Variants in ARHGEF11 observed in about 807,000 individuals in gnomAD.
ARHGEF11 encodes Rho guanine exchange factor (GEF) 11.
In ARHGEF11, 55 loss-of-function variants were observed where a neutral mutation model predicts 193.7. The observed-to-expected ratio is 0.28, with a 90% CI of 0.23 to 0.36. The LOEUF (loss-of-function observed/expected upper bound fraction) is 0.36, where lower values mean the gene tolerates loss of function less well. Ranked by LOEUF, ARHGEF11 falls within the 10% of genes least tolerant of loss-of-function variation. ARHGEF11 has a pLI of 1.00. For synonymous variants in ARHGEF11, 693 were observed against 768.0 expected (o/e 0.90, Z 1.62); for missense variants, 1,723 against 2,005.6 (o/e 0.86, Z 2.69).
rs756264930 is a variant in ARHGEF11 at position 156,942,701 on chromosome 1, T to C, written c.3315A>G (p.Ser1105=). The change falls in exon 33 of 41, where the codon TCA becomes TCG. Residue 1105 remains serine (S), a synonymous_variant. Transcript: ENST00000368194. ...CAATCAATTCTCACGTGTTCTTGTCTGATGACGTCAATGCAACCAGCTCAT... is the reference window on the plus strand; with the variant it reads ...CAATCAATTCTCACGTGTTCTTGTCCGATGACGTCAATGCAACCAGCTCAT... ...QIYELVALTS[S]DKNTWMELLE... The C allele has an allele frequency of 1.2e-6, 2 of 1,613,982 alleles. No homozygotes were observed. Among genetic ancestry groups the C allele is most frequent in the Non-Finnish European group, 8.5e-7 (1 of 1,179,928 alleles).
chr1:156,943,768 C>T (rs759617115), intron 32 of ARHGEF11, among the ~76,000 whole-genome samples, 167 bp downstream of exon 32: 99 of 152,180 alleles, frequency 6.5e-4, no homozygotes, highest in Non-Finnish European at 2.9e-4. Context: ...CCTCATCCTA[C>T]CCCACTTTGG....
At chr1:156,984,878 A>G (rs994562941) in intron 2 of ARHGEF11, among the ~76,000 whole-genome samples, 2 of 152,040 alleles carry the variant, frequency 1.3e-5, no homozygotes, top group Non-Finnish European at 2.9e-5. Context: ...TGGTATACCA[A>G]TGCTTGTTGA....
chr1:156,957,908 T>C (rs1296091749), intron 17 of ARHGEF11, 93 bp from the exon 18 acceptor site: 5 of 1,261,414 alleles, frequency 4.0e-6, no homozygotes, highest in East Asian at 4.6e-5. Flanking sequence ...TTTTCCTAGA[T>C]GAAAGGAGGG....
chr1:157,036,190 T>C (rs1288534745), intron 1 of ARHGEF11, among the ~76,000 whole-genome samples: 1 of 115,002 alleles, frequency 8.7e-6, no homozygotes, highest in Non-Finnish European at 1.9e-5. Flanking sequence ...TATGAATACA[T>C]ATATGAATAT....
At chr1:156,964,593 T>A (rs1488502492) in intron 11 of ARHGEF11, among the ~76,000 whole-genome samples, 1 of 152,144 alleles carries the variant, frequency 6.6e-6, no homozygotes, top group African/African-American at 2.4e-5. Flanking sequence ...ATATTTATGG[T>A]CTCTATGCCC....
chr1:157,046,446 TC>T (rs1270226350), upstream of ARHGEF11, among the ~76,000 whole-genome samples: 239 of 8,336 alleles, frequency 0.029, no homozygotes, highest in Non-Finnish European at 0.061. Context: ...CGGCTCACCC[TC>T]TCTCCACCTC....
chr1:157,030,267 G>A (rs1188988668), intron 1 of ARHGEF11, among the ~76,000 whole-genome samples: 1 of 152,164 alleles, frequency 6.6e-6, no homozygotes, highest in Non-Finnish European at 1.5e-5. Context: ...GGGCCCCTGA[G>A]TAGCTTAAAA....
intron 1 of ARHGEF11, among the ~76,000 whole-genome samples, chr1:157,009,869 T>A (rs1668340700): frequency 6.6e-6 from 1 of 152,226 alleles, no homozygotes; most frequent in African/African-American, 2.4e-5. Flanking sequence ...CGATTCAATA[T>A]GCATCAGCTG....
In ARHGEF11 at chr1:156,968,063, G is replaced by C. The variant is rs368729405; in HGVS notation, c.887C>G (p.Pro296Arg). 8.7e-6 allele frequency: 14 copies of C among 1,614,108 alleles called. No homozygotes were observed. The highest frequency in any genetic ancestry group is 1.2e-5 in the Non-Finnish European group (14 of 1,180,020). Residue 296 changes from proline to arginine, a missense_variant, in exon 11 of 41, where the codon CCT becomes CGT. Coordinates refer to ENST00000368194, the MANE Select transcript of ARHGEF11 (RefSeq NM_198236.3). ...DPGLDSPRTSPVIMARVAQHH... is the reference protein window; with the variant it reads ...DPGLDSPRTSRVIMARVAQHH... ...CTGGGCCACCCTGGCCATGATCACAGGGGAGGTTCGAGGACTGTCTAGCCC... is the reference window on the plus strand; with the variant it reads ...CTGGGCCACCCTGGCCATGATCACACGGGAGGTTCGAGGACTGTCTAGCCC...
rs761370827 is a variant in ARHGEF11, at chr1:156,945,147, C to T, written c.2863G>A (p.Glu955Lys). 8 of 1,614,078 alleles carry T rather than the reference C, an allele frequency of 5.0e-6. No individual in the cohort carries two copies. The highest frequency in any genetic ancestry group is 1.6e-4 in the Middle Eastern group (1 of 6,078). The part of the protein sequence containing the change: ...KLCRARDQCR[E>K]ILKYVNEAVK... ...GCTTCATTCACATACTTGAGAATCT[C>T]CCGGCACTGGTCCCGGGCCCGGCAC... The change falls in exon 30 of 41, where the codon GAG (glutamate) becomes AAG (lysine). Residue 955 changes from glutamate to lysine, a missense_variant. Around this residue, in one of 5 missense-constraint regions of ARHGEF11, gnomAD observed 491 missense variants for 654.5 expected, o/e 0.75. Coordinates refer to ENST00000368194, the MANE Select transcript of ARHGEF11 (RefSeq NM_198236.3).
intron 4 of ARHGEF11, among the ~76,000 whole-genome samples, chr1:156,980,091 G>A (rs748687394): frequency 4.5e-4 from 68 of 152,340 alleles, no homozygotes; most frequent in Non-Finnish European, 9.1e-4. Context: ...ATTATATGGA[G>A]GAAAGAATAT....
At position 156,960,423 on chromosome 1, in the gene ARHGEF11, T is replaced by C. The variant is rs1660658713; in HGVS notation, c.1277A>G (p.Glu426Gly). 6.2e-7 allele frequency: 1 copy of C among 1,613,918 alleles called. No individual in the cohort carries two copies. Among genetic ancestry groups the C allele is most frequent in the Non-Finnish European group, 8.5e-7 (1 of 1,179,984 alleles). ...RVKIPEMLQA[E>G]IDSRLRNSED... ...CGACCAATGAGCCAACTTACCAATT[T>C]CAGCCTGTAGCATCTCAGGGATCTT... The change falls in exon 15 of 41, where the codon GAA becomes GGA. Residue 426 changes from glutamate to glycine, a missense_variant. Coordinates refer to ENST00000368194, the MANE Select transcript of ARHGEF11 (RefSeq NM_198236.3).
At position 156,955,515 on chromosome 1, in the gene ARHGEF11, C is replaced by T. The variant is rs138436878; in HGVS notation, c.1768+188G>A. 3.2e-4 allele frequency among the ~76,000 whole-genome samples: 48 copies of T among 152,212 alleles called. 1 individual carries two copies. Among genetic ancestry groups the T allele is most frequent in the Non-Finnish European group, 5.9e-4 (40 of 68,012 alleles). On this transcript the variant is annotated intron_variant, in intron 20 of 40. Coordinates refer to ENST00000368194, the MANE Select transcript of ARHGEF11 (RefSeq NM_198236.3). ...AGGGACCGGCACGGCTTCCCTGGCT[C>T]GGAAACATTCACCTGAACCTCAGAG...
In ARHGEF11 at chr1:156,939,651, C is replaced by T; in HGVS notation, c.3993G>A (p.Arg1331=). ...ACTCCCATATCCCAGAATTTCTGGT[C>T]CTTGGGGGTAGGTGTTCCAGAGAAC... ...GLCSLEHLPP[R]TRNSGIWESP... The change falls in exon 37 of 41, where the codon AGG becomes AGA. Residue 1331 remains arginine (R), a synonymous_variant. Coordinates refer to ENST00000368194, the MANE Select transcript of ARHGEF11 (RefSeq NM_198236.3). 6.2e-7 allele frequency: 1 copy of T among 1,613,954 alleles called. No individual in the cohort carries two copies.
At chr1:157,044,034 T>C (rs1030211120) in intron 1 of ARHGEF11, among the ~76,000 whole-genome samples, 2 of 152,096 alleles carry the variant, frequency 1.3e-5, no homozygotes, top group African/African-American at 4.8e-5. Flanking sequence ...CTGGCAAAAG[T>C]CAAAAGCCAC....
rs757849603 is a variant in ARHGEF11 at position 156,986,063 on chromosome 1, T to A, written c.124+19A>T. On this transcript the variant is annotated intron_variant, in intron 2 of 40. Coordinates refer to ENST00000368194, the MANE Select transcript of ARHGEF11 (RefSeq NM_198236.3). Reference sequence around the variant, plus strand: ...ACCATGCCTGGCTGTTTTTGTATGTTAATGCCCAAGGAGGTTACCTGTTGT... The same window carrying A: ...ACCATGCCTGGCTGTTTTTGTATGTAAATGCCCAAGGAGGTTACCTGTTGT... 1.7e-5 allele frequency: 27 copies of A among 1,605,618 alleles called. No individual in the cohort carries two copies. The highest frequency in any genetic ancestry group is 7.7e-6 in the Non-Finnish European group (9 of 1,172,782).
intron 1 of ARHGEF11, among the ~76,000 whole-genome samples, chr1:157,027,430 T>C (rs540301456): frequency 6.6e-6 from 1 of 152,112 alleles, no homozygotes; most frequent in South Asian, 2.1e-4. Context: ...GTGGGAGTAT[T>C]GACAGATACA....
chr1:156,963,267 G>A lies in ARHGEF11; in HGVS notation c.1076C>T (p.Ser359Phe), dbSNP rs2102203093. The change falls in exon 13 of 41, where the codon TCT (serine) becomes TTT (phenylalanine). Residue 359 changes from serine to phenylalanine, a missense_variant. Ser to Phe is a radical substitution (Grantham distance 155). Transcript: ENST00000368194. ...AAAAACCCCCAGGTGAGCTGGCCGA[G>A]ACTTCAGTTTCTCCAGATCCTGGAA... ...IIFQDLEKLKSRPAHLGVFLR... is the reference protein window; with the variant it reads ...IIFQDLEKLKFRPAHLGVFLR... The A allele has an allele frequency of 6.2e-7, 1 of 1,614,198 alleles. No individual in the cohort carries two copies. The highest frequency in any genetic ancestry group is 2.2e-5 in the East Asian group (1 of 44,884).
intron 1 of ARHGEF11, among the ~76,000 whole-genome samples, chr1:157,034,155 A>G (rs1326305009): frequency 1.3e-5 from 2 of 152,188 alleles, no homozygotes; most frequent in Admixed American, 6.5e-5. Context: ...TCTGAAGGGA[A>G]GAGGGTCTGT....
Sources: gnomAD v4.1 joint callset for allele counts (sites outside exome capture counted in the v4.1 genomes callset) on GRCh38, gnomAD v4.1.1 for gene constraint, gnomAD v4.1.1 regional missense constraint, MANE v1.5 for transcripts, NCBI Gene and HGNC (gene_info 2026-07-23, HGNC 2026-07-21) for gene names.